The following MLLT3 variants were observed in gnomAD, a reference collection of about 807,000 sequenced individuals.
The protein encoded by MLLT3 is protein AF-9.
In MLLT3, 4 loss-of-function variants were observed where a neutral mutation model predicts 53.2. That is an observed-to-expected ratio of 0.08 (90% confidence interval 0.04 to 0.17). The LOEUF is 0.17. MLLT3 is among the 10% of genes least tolerant of loss of function. The probability of loss-of-function intolerance (pLI) is 1.00; values close to 1 mark genes in which losing one functional copy is unlikely to be tolerated. For missense variants in MLLT3, 569 were observed against 684.0 expected (o/e 0.83, Z 1.87); for synonymous variants, 283 against 230.6 (o/e 1.23, Z -2.06).
chr9:20,482,930 C>T (rs539602172), intron 2 of MLLT3, among the ~76,000 whole-genome samples: 1 of 152,276 alleles, frequency 6.6e-6, no homozygotes, highest in East Asian at 1.9e-4. Context: ...ATCCTAGAAA[C>T]ATATCTTCCA....
intron 2 of MLLT3, among the ~76,000 whole-genome samples, chr9:20,459,255 T>C (rs116243556): frequency 0.017 from 2,626 of 152,068 alleles, 84 homozygotes; most frequent in African/African-American, 0.059. Context: ...AAGAAGTAAA[T>C]CAAGAATGAG....
intron 10 of MLLT3, among the ~76,000 whole-genome samples, chr9:20,352,850 C>G (rs1387650862): frequency 6.6e-6 from 1 of 150,820 alleles, no homozygotes; most frequent in East Asian, 1.9e-4. Flanking sequence ...ATTTAGAACA[C>G]ACATTCTTCT....
chr9:20,478,291 T>C (rs943524994), intron 2 of MLLT3, among the ~76,000 whole-genome samples: 1 of 152,208 alleles, frequency 6.6e-6, no homozygotes, highest in Non-Finnish European at 1.5e-5. Flanking sequence ...TAAACATTTC[T>C]GGCTTTCACT....
intron 2 of MLLT3, among the ~76,000 whole-genome samples, chr9:20,549,043 G>A (rs571695283): frequency 8.6e-5 from 13 of 152,012 alleles, no homozygotes; most frequent in Non-Finnish European, 1.6e-4. Flanking sequence ...CCGAACTCCT[G>A]GGCTCAAGCA....
chr9:20,388,527 G>A (rs931026294), intron 5 of MLLT3, among the ~76,000 whole-genome samples: 1 of 152,174 alleles, frequency 6.6e-6, no homozygotes, highest in Admixed American at 6.5e-5. Flanking sequence ...GACGGAGCTT[G>A]CAGTGAGCCG....
At chr9:20,475,698 T>C (rs1824502962) in intron 2 of MLLT3, among the ~76,000 whole-genome samples, 1 of 152,042 alleles carries the variant, frequency 6.6e-6, no homozygotes, top group Non-Finnish European at 1.5e-5. Context: ...CTCACATTGG[T>C]TTTATGGGAA....
At chr9:20,543,309 C>T (rs1026365520) in intron 2 of MLLT3, among the ~76,000 whole-genome samples, 4 of 152,332 alleles carry the variant, frequency 2.6e-5, no homozygotes, top group East Asian at 1.9e-4. Context: ...ACATGCTTTC[C>T]TCACAGCACT....
intron 4 of MLLT3, among the ~76,000 whole-genome samples, chr9:20,436,159 T>C (rs1239883918): frequency 6.6e-6 from 1 of 152,196 alleles, no homozygotes; most frequent in African/African-American, 2.4e-5. Context: ...ATAGGCTTTT[T>C]CATATGCTGA....
intron 5 of MLLT3, among the ~76,000 whole-genome samples, chr9:20,398,462 G>C (rs933318833): frequency 6.6e-6 from 1 of 152,114 alleles, no homozygotes; most frequent in African/African-American, 2.4e-5. Flanking sequence ...TTAATTTAAA[G>C]CTATTCTGTC....
intron 2 of MLLT3, among the ~76,000 whole-genome samples, chr9:20,509,012 A>C (rs982900318): frequency 6.6e-6 from 1 of 152,246 alleles, no homozygotes; most frequent in Non-Finnish European, 1.5e-5. Flanking sequence ...AGGTCAATGT[A>C]CATCAGTGGG....
intron 4 of MLLT3, among the ~76,000 whole-genome samples, chr9:20,428,713 A>G (rs76327097): frequency 0.06 from 9,152 of 152,206 alleles, 892 homozygotes; most frequent in African/African-American, 0.2. Context: ...AGAACTTTGA[A>G]AAGAACTAAT....
rs3086486 is a variant in MLLT3, at chr9:20,602,761, T to TACACACACAC, written c.193+17883_193+17892dup. Among the ~76,000 whole-genome samples, 201 of 147,300 alleles carry TACACACACAC rather than the reference T, an allele frequency of 1.4e-3. 1 individual carries two copies. Among genetic ancestry groups the TACACACACAC allele is most frequent in the African/African-American group, 2.4e-3 (98 of 40,054 alleles). On this transcript the variant is annotated intron_variant, in intron 2 of 10. Transcript: ENST00000380338. The stretch of plus-strand genomic sequence containing the variant: ...TGTAACAATGTTTTATTAAGTTTGA[T>TACACACACAC]ACACACACACACACACACACACACA...
intron 2 of MLLT3, among the ~76,000 whole-genome samples, chr9:20,473,867 T>C (rs1156911447): frequency 6.6e-6 from 1 of 152,138 alleles, no homozygotes; most frequent in African/African-American, 2.4e-5. Context: ...ATTATGCAAC[T>C]TGTAAATTAC....
At chr9:20,356,806 G>A (rs929864600) in intron 8 of MLLT3, among the ~76,000 whole-genome samples, 4 of 152,134 alleles carry the variant, frequency 2.6e-5, no homozygotes, top group Admixed American at 2.6e-4. Flanking sequence ...CACACATTCC[G>A]TAAGTGCTAC....
At chr9:20,551,265 G>A (rs1214028685) in intron 2 of MLLT3, among the ~76,000 whole-genome samples, 2 of 152,154 alleles carry the variant, frequency 1.3e-5, no homozygotes, top group Non-Finnish European at 2.9e-5. Flanking sequence ...AATTTCTCAA[G>A]TACTCCTATA....
At chr9:20,580,121 C>T (rs533739200) in intron 2 of MLLT3, among the ~76,000 whole-genome samples, 3 of 152,284 alleles carry the variant, frequency 2.0e-5, no homozygotes, top group Admixed American at 2.0e-4. Flanking sequence ...AAAGTCTACT[C>T]ATCTTAGTCA....
At chr9:20,568,184 T>G (rs1819433095) in intron 2 of MLLT3, among the ~76,000 whole-genome samples, 1 of 152,162 alleles carries the variant, frequency 6.6e-6, no homozygotes, top group South Asian at 2.1e-4. Context: ...TGTCTAGGAC[T>G]GACTTCAAAA....
chr9:20,470,057 GA>G (rs886200971), intron 2 of MLLT3, among the ~76,000 whole-genome samples: 1 of 151,830 alleles, frequency 6.6e-6, no homozygotes, highest in Non-Finnish European at 1.5e-5. Flanking sequence ...ATTTTATGAA[GA>G]AAAAAACAGC....
chr9:20,345,022 A>T lies in MLLT3; in HGVS notation c.*1421T>A, dbSNP rs147204349. ...AGCTGTTCTTACTTTTCATTTCTCC[A>T]CTTATGGAGAAGATGGAATAATGAC... On this transcript the variant is annotated 3_prime_UTR_variant, in exon 11 of 11. Coordinates refer to ENST00000380338, the MANE Select transcript of MLLT3 (RefSeq NM_004529.4). 167 of 216,220 alleles carry T rather than the reference A, an allele frequency of 7.7e-4. No homozygotes were observed. In the East Asian group the frequency reaches 0.011, roughly 14 times the overall value. 13.4% of individuals were successfully genotyped at this position (216,220 alleles called of 1,614,324 possible).
Sources: gnomAD v4.1 joint callset for allele counts (sites outside exome capture counted in the v4.1 genomes callset) on GRCh38, gnomAD v4.1.1 for gene constraint, MANE v1.5 for transcripts, NCBI Gene and HGNC (gene_info 2026-07-23, HGNC 2026-07-21) for gene names.